The following SLC15A2 variants were observed in gnomAD, a reference collection of about 807,000 sequenced individuals.
The protein encoded by SLC15A2 is solute carrier family 15 member 2, also known as kidney H(+)/peptide cotransporter.
Under a neutral mutation model 95.5 loss-of-function variants are expected in SLC15A2, and 77 were observed. That is an observed-to-expected ratio of 0.81 (90% CI 0.67 to 0.97). SLC15A2 has a LOEUF of 0.97. SLC15A2 is among the 50% of genes least tolerant of loss of function. The pLI is 0.00. For missense variants in SLC15A2, 893 were observed against 874.4 expected, an observed-to-expected ratio of 1.02 and a Z score of -0.27; for synonymous variants, 306 against 306.9, an observed-to-expected ratio of 1.00 and a Z score of 0.03.
intron 3 of SLC15A2, among the ~76,000 whole-genome samples, chr3:121,907,854 T>C (rs1450164310): frequency 6.6e-6 from 1 of 152,234 alleles, no homozygotes; most frequent in Non-Finnish European, 1.5e-5. Context: ...GAGGAGGCAG[T>C]CTGTCCGTTC....
Position 121,928,454 on chromosome 3 carries a change from G to A in SLC15A2, c.1240G>A (p.Val414Ile). 1 of 1,614,102 alleles carries A rather than the reference G, an allele frequency of 6.2e-7. No homozygotes were observed. Among genetic ancestry groups the A allele is most frequent in the Non-Finnish European group, 8.5e-7 (1 of 1,179,978 alleles). Residue 414 changes from valine (V) to isoleucine (I), a missense_variant, in exon 15 of 22, where the codon GTT (valine) becomes ATT (isoleucine). Transcript: ENST00000489711. ...CCCAGCCCAGCCAGGTCCCCAGGAG[G>A]TTTTCCTACAAGTCTTGAATCTGGC... ...MAPAQPGPQE[V>I]FLQVLNLADD...
intron 3 of SLC15A2, among the ~76,000 whole-genome samples, chr3:121,905,634 T>G (rs1356871586): frequency 6.6e-6 from 1 of 152,230 alleles, no homozygotes; most frequent in Non-Finnish European, 1.5e-5. Context: ...AGCAGGTTGT[T>G]CAGTTTCCAT....
At chr3:121,925,103 C>T (rs199588891) in intron 13 of SLC15A2, 70 bp downstream of exon 13, 2 of 1,062,150 alleles carry the variant, frequency 1.9e-6, no homozygotes, top group African/African-American at 3.1e-5. Flanking sequence ...GAAAAAGATT[C>T]AATGTCAGTA....
chr3:121,929,236 T>C, intron 16 of SLC15A2, 66 bp from the exon 17 acceptor site: 1 of 1,604,134 alleles, frequency 6.2e-7, no homozygotes, highest in South Asian at 1.1e-5. Flanking sequence ...TGCCTGATGA[T>C]CAAATTTTCT....
chr3:121,911,967 G>T (rs758860050), intron 4 of SLC15A2, among the ~76,000 whole-genome samples: 1 of 151,722 alleles, frequency 6.6e-6, no homozygotes, highest in Non-Finnish European at 1.5e-5. Flanking sequence ...CTTTACCAGG[G>T]TTAAAAAAAA....
Position 121,929,365 on chromosome 3 carries a change from G to A in SLC15A2, c.1553+17G>A, listed in dbSNP as rs1710185803. On this transcript the variant is annotated intron_variant, in intron 17 of 21. Coordinates refer to ENST00000489711, the MANE Select transcript of SLC15A2 (RefSeq NM_021082.4). ...AACCGTGAGGTTTGAATGTCAATGA[G>A]ATTCCAGGCCACTCTGTTTTCTTGA... 6.2e-7 allele frequency: 1 copy of A among 1,612,814 alleles called. No individual in the cohort carries two copies.
At position 121,931,714 on chromosome 3, in the gene SLC15A2, A is replaced by G. The variant is rs373696483; in HGVS notation, c.1740A>G (p.Ala580=). The change falls in exon 19 of 22, where the codon GCA becomes GCG. Residue 580 remains alanine, a synonymous_variant. Transcript: ENST00000489711. ...LNLGLLDFGA[A]YLFVITNNTN... is the part of the protein sequence containing the mutation. Reference sequence around the variant, plus strand: ...TGGGTCTTCTAGACTTTGGTGCAGCATATCTGTTTGTTATTACTAATGTAA... The same window carrying G: ...TGGGTCTTCTAGACTTTGGTGCAGCGTATCTGTTTGTTATTACTAATGTAA... 1.9e-6 allele frequency: 3 copies of G among 1,611,548 alleles called. No individual in the cohort carries two copies. The African/African-American group carries it at 4.0e-5, about 22-fold the overall frequency.
intron 11 of SLC15A2, 31 bp downstream of exon 11, chr3:121,923,297 A>G: frequency 6.2e-6 from 10 of 1,600,056 alleles, no homozygotes; most frequent in Non-Finnish European, 8.5e-6. Flanking sequence ...AGAGAAGTCT[A>G]TTATTTTCTT....
In SLC15A2 at chr3:121,897,473, T is replaced by C. The variant is rs1559837836; in HGVS notation, c.279T>C (p.Cys93=). ...TATACCATGCCTTCAGCAGCCTCTG[T>C]TATTTTACTCCCATCCTGGGAGCAG... ...TSIYHAFSSL[C]YFTPILGAAI... The change falls in exon 3 of 22, where the codon TGT becomes TGC. Residue 93 remains cysteine (C), a synonymous_variant. Transcript: ENST00000489711. 2 of 1,614,126 alleles carry C rather than the reference T, an allele frequency of 1.2e-6. No homozygotes were observed. The highest frequency in any genetic ancestry group is 2.2e-5 in the East Asian group (1 of 44,860).
chr3:121,927,527 C>T lies in SLC15A2; in HGVS notation c.1125-231C>T, dbSNP rs893422986. 27 of 453,128 alleles carry T rather than the reference C, an allele frequency of 6.0e-5. No homozygotes were observed. In the Middle Eastern group the frequency reaches 1.8e-3, roughly 30 times the overall value. 28.1% of individuals were successfully genotyped at this position (453,128 alleles called of 1,614,324 possible). On this transcript the variant is annotated intron_variant, in intron 13 of 21. Coordinates refer to ENST00000489711, the MANE Select transcript of SLC15A2 (RefSeq NM_021082.4). ...CTTTGGCTTCTCCCATGATTGAAAG[C>T]TCCTCGATGCTTCACCAGAAGCTGG...
intron 20 of SLC15A2, 24 bp downstream of exon 20, chr3:121,939,519 A>T: frequency 6.8e-7 from 1 of 1,476,114 alleles, no homozygotes; most frequent in Non-Finnish European, 9.0e-7. Context: ...AATAGAAGGT[A>T]GAAATTGAGG....
intron 7 of SLC15A2, among the ~76,000 whole-genome samples, chr3:121,916,860 G>A (rs1009180275): frequency 1.1e-4 from 16 of 151,250 alleles, no homozygotes; most frequent in Non-Finnish European, 1.8e-4. Flanking sequence ...TCGCTCTGTC[G>A]CCCAGGCTGG....
In SLC15A2 at chr3:121,929,065, C is replaced by A. The variant is rs774748807; in HGVS notation, c.1425C>A (p.Leu475=). ...HFHLKYHNLS[L]YTEHSVQEKN... is the part of the protein sequence containing the mutation. Reference sequence around the variant, plus strand: ...ACCTGAAATATCACAATTTGTCTCTCTACACTGAGCATTCTGTGCAGGAGA... The same window carrying A: ...ACCTGAAATATCACAATTTGTCTCTATACACTGAGCATTCTGTGCAGGAGA... The change falls in exon 16 of 22, where the codon CTC becomes CTA. Residue 475 remains leucine, a synonymous_variant. Transcript: ENST00000489711. 1 of 1,614,160 alleles carries A rather than the reference C, an allele frequency of 6.2e-7. No homozygotes were observed. Among genetic ancestry groups the A allele is most frequent in the Non-Finnish European group, 8.5e-7 (1 of 1,179,996 alleles).
intron 13 of SLC15A2, among the ~76,000 whole-genome samples, chr3:121,926,472 T>G (rs1390771208): frequency 6.6e-6 from 1 of 152,196 alleles, no homozygotes; most frequent in Non-Finnish European, 1.5e-5. Flanking sequence ...TAAACCTTGG[T>G]GGCTTCTACA....
intron 3 of SLC15A2, among the ~76,000 whole-genome samples, chr3:121,906,273 C>T (rs1456953438): frequency 6.6e-6 from 1 of 152,094 alleles, no homozygotes; most frequent in African/African-American, 2.4e-5. Context: ...AGATGGTTCT[C>T]GTGAATACAG....
At chr3:121,902,353 A>C (rs938204020) in intron 3 of SLC15A2, among the ~76,000 whole-genome samples, 1 of 151,816 alleles carries the variant, frequency 6.6e-6, no homozygotes, top group Non-Finnish European at 1.5e-5. Context: ...ATTTTAATTT[A>C]ATTTTAATTT....
At chr3:121,913,524 T>A (rs998081635) in intron 5 of SLC15A2, among the ~76,000 whole-genome samples, 7 of 152,146 alleles carry the variant, frequency 4.6e-5, no homozygotes, top group Non-Finnish European at 8.8e-5. Context: ...AGTAGTAAGT[T>A]TACTCTAACT....
At position 121,943,325 on chromosome 3, in the gene SLC15A2, T is replaced by C. The variant is rs1012531694; in HGVS notation, c.*2318T>C. On this transcript the variant is annotated 3_prime_UTR_variant, in exon 22 of 22. Transcript: ENST00000489711. ...TTTCATGTGGCAGATGTTTAGCTAT[T>C]TGGGGAGAACTTTCATGGCTCTTCC... 6.6e-6 allele frequency: 1 copy of C among 152,110 alleles called. No individual in the cohort carries two copies. The highest frequency in any genetic ancestry group is 1.5e-5 in the Non-Finnish European group (1 of 68,004). 9.4% of individuals were successfully genotyped at this position (152,110 alleles called of 1,614,324 possible). A position where few individuals can be genotyped will look rare whatever the true frequency, so the allele number is the denominator to read the frequency against.
intron 19 of SLC15A2, chr3:121,939,083 C>T (rs1040116046): frequency 1.4e-5 from 4 of 291,752 alleles, no homozygotes; most frequent in African/African-American, 2.2e-5. Context: ...TAGGGCAAAA[C>T]GGTGGAAATC....
Sources: gnomAD v4.1 joint callset for allele counts (sites outside exome capture counted in the v4.1 genomes callset) on GRCh38, gnomAD v4.1.1 for gene constraint, MANE v1.5 for transcripts, NCBI Gene and HGNC (gene_info 2026-07-23, HGNC 2026-07-21) for gene names.